Variants in CTNNA2 observed in about 807,000 individuals in gnomAD.
The protein encoded by CTNNA2 is catenin alpha-2.
In CTNNA2, 42 loss-of-function variants were observed where a neutral mutation model predicts 101.0. The observed-to-expected ratio is 0.42, with a 90% CI of 0.32 to 0.54. The LOEUF (loss-of-function observed/expected upper bound fraction) is 0.54, where lower values mean the gene tolerates loss of function less well. Ranked by LOEUF, CTNNA2 falls within the 20% of genes least tolerant of loss-of-function variation. The pLI is 0.14. For missense variants in CTNNA2, 871 were observed against 1,223.1 expected, an observed-to-expected ratio of 0.71 and a Z score of 4.29; for synonymous variants, 450 against 456.4, an observed-to-expected ratio of 0.99 and a Z score of 0.18.
intron 1 of CTNNA2, among the ~76,000 whole-genome samples, chr2:79,585,710 C>T (rs1401293353): frequency 2.6e-5 from 4 of 152,060 alleles, no homozygotes; most frequent in African/African-American, 9.7e-5. Context: ...ATGCTGGCTT[C>T]CTCTGCTCCA....
chr2:79,345,108 TAA>T (rs5832381), intron 3 of CTNNA2, among the ~76,000 whole-genome samples: 12,734 of 147,074 alleles, frequency 0.087, 808 homozygotes, highest in East Asian at 0.31. Context: ...TGTTTTTTTT[TAA>T]AAAAAAAAGC....
Position 80,026,431 on chromosome 2 carries a change from A to C in CTNNA2, c.1056+116634A>C, listed in dbSNP as rs570387576. On this transcript the variant is annotated intron_variant, in intron 7 of 18. Coordinates refer to ENST00000402739, the MANE Select transcript of CTNNA2 (RefSeq NM_001282597.3). ...CCTCTATTCTGTAGAGCTGTGACTT[A>C]ACCTTTCAGTCTTGTGAAAATATGT... is the stretch of plus-strand genomic sequence containing the variant. 8.5e-5 allele frequency among the ~76,000 whole-genome samples: 13 copies of C among 152,314 alleles called. 1 individual carries two copies. The East Asian group carries it at 1.4e-3, about 16-fold the overall frequency.
chr2:80,487,828 T>G (rs916533348), intron 9 of CTNNA2, among the ~76,000 whole-genome samples: 3 of 152,224 alleles, frequency 2.0e-5, no homozygotes, highest in Non-Finnish European at 4.4e-5. Context: ...GACGCCAAAC[T>G]AAGGCTCTTT....
chr2:79,490,401 C>T (rs907982644), intron 4 of CTNNA2, among the ~76,000 whole-genome samples: 7 of 152,066 alleles, frequency 4.6e-5, no homozygotes, highest in East Asian at 1.9e-4. Context: ...ACATCCAATC[C>T]TGTGTTTTTT....
At chr2:80,469,254 A>T (rs1028337522) in intron 9 of CTNNA2, among the ~76,000 whole-genome samples, 8 of 152,176 alleles carry the variant, frequency 5.3e-5, no homozygotes, top group African/African-American at 1.9e-4. Flanking sequence ...TATCATAGAA[A>T]CAAATACCCA....
chr2:79,891,819 A>C (rs956849306), intron 6 of CTNNA2, among the ~76,000 whole-genome samples: 1 of 152,068 alleles, frequency 6.6e-6, no homozygotes, highest in Non-Finnish European at 1.5e-5. Flanking sequence ...AACAACCTGA[A>C]AATATATATA....
chr2:79,732,676 T>C (rs771549762), intron 2 of CTNNA2, among the ~76,000 whole-genome samples: 6 of 152,076 alleles, frequency 3.9e-5, no homozygotes, highest in Non-Finnish European at 7.4e-5. Flanking sequence ...GTTAACTGTA[T>C]ACGATGATAC....
At chr2:79,319,661 A>G (rs1323868027) in intron 3 of CTNNA2, 2 of 152,122 alleles carry the variant, frequency 1.3e-5, no homozygotes, top group African/African-American at 4.8e-5. Context: ...CAAATTGATG[A>G]TTGTCTTATG....
intron 3 of CTNNA2, among the ~76,000 whole-genome samples, chr2:79,349,520 AAGG>A (rs1342078519): frequency 6.6e-6 from 1 of 152,192 alleles, no homozygotes; most frequent in African/African-American, 2.4e-5. Context: ...TCTGATTGTG[AAGG>A]AGAATATAAG....
intron 2 of CTNNA2, among the ~76,000 whole-genome samples, chr2:79,731,595 A>G (rs1687199034): frequency 6.6e-6 from 1 of 152,058 alleles, no homozygotes; most frequent in South Asian, 2.1e-4. Flanking sequence ...CATCCAAAAG[A>G]AAAGGATACA....
At chr2:79,886,327 T>G (rs976739632) in intron 6 of CTNNA2, among the ~76,000 whole-genome samples, 2 of 152,118 alleles carry the variant, frequency 1.3e-5, no homozygotes, top group Non-Finnish European at 2.9e-5. Flanking sequence ...AAGTGATTAT[T>G]TCTGGGGTAC....
chr2:79,351,430 G>A lies in CTNNA2; in HGVS notation c.-317-22401G>A, dbSNP rs534477753. Among the ~76,000 whole-genome samples the A allele has an allele frequency of 5.3e-5, 8 of 152,166 alleles. No homozygotes were observed. In the East Asian group the frequency reaches 1.5e-3, roughly 29 times the overall value. ...TCATTCCCATTGTTTATTTATGTAT[G>A]TATTTATTTAACTTTTATTTTACAA... On this transcript the variant is annotated intron_variant, in intron 3 of 21. Transcript: ENST00000466387.
At chr2:79,831,686 G>A (rs937804897) in intron 3 of CTNNA2, among the ~76,000 whole-genome samples, 12 of 149,840 alleles carry the variant, frequency 8.0e-5, no homozygotes, top group African/African-American at 2.2e-4. Context: ...TCCAATTCCC[G>A]CTGTCATTTT....
chr2:79,871,753 A>T (rs962889271), intron 5 of CTNNA2, among the ~76,000 whole-genome samples: 1 of 152,154 alleles, frequency 6.6e-6, no homozygotes, highest in Non-Finnish European at 1.5e-5. Context: ...TGACACCTAA[A>T]ATAACCAACA....
In CTNNA2 at chr2:79,720,148, G is replaced by T. The variant is rs994317501; in HGVS notation, c.103-24239G>T. 3.3e-5 allele frequency among the ~76,000 whole-genome samples: 5 copies of T among 152,140 alleles called. No individual in the cohort carries two copies. In the South Asian group the frequency reaches 1.0e-3, roughly 32 times the overall value. ...ATCCCAGCACCATTTATTGAATAAG[G>T]GGTCCTTTCCCCATTGCTTGCTTTT... is the stretch of plus-strand genomic sequence containing the variant. On this transcript the variant is annotated intron_variant, in intron 2 of 18. Coordinates refer to ENST00000402739, the MANE Select transcript of CTNNA2 (RefSeq NM_001282597.3).
At chr2:79,955,201 C>A (rs1270958188) in intron 7 of CTNNA2, among the ~76,000 whole-genome samples, 1 of 152,110 alleles carries the variant, frequency 6.6e-6, no homozygotes, top group Non-Finnish European at 1.5e-5. Flanking sequence ...ATCTCTTCAT[C>A]TTGATAAATG....
At chr2:79,484,442 T>C (rs1392713760) in intron 4 of CTNNA2, among the ~76,000 whole-genome samples, 1 of 152,082 alleles carries the variant, frequency 6.6e-6, no homozygotes, top group Admixed American at 6.6e-5. Context: ...CACATATAGG[T>C]GGAAACAAAA....
At chr2:80,170,304 A>G (rs7589116) in intron 7 of CTNNA2, among the ~76,000 whole-genome samples, 2 of 151,612 alleles carry the variant, frequency 1.3e-5, no homozygotes, top group South Asian at 4.2e-4. Context: ...CTAGCCTACT[A>G]TCAGGAGGCC....
At chr2:79,948,795 C>T (rs1178012955) in intron 7 of CTNNA2, among the ~76,000 whole-genome samples, 2 of 151,984 alleles carry the variant, frequency 1.3e-5, no homozygotes, top group South Asian at 2.1e-4. Context: ...GGGGAAACCC[C>T]GTCTCTATTA....
Sources: gnomAD v4.1 joint callset for allele counts (sites outside exome capture counted in the v4.1 genomes callset) on GRCh38, gnomAD v4.1.1 for gene constraint, MANE v1.5 for transcripts, NCBI Gene and HGNC (gene_info 2026-07-23, HGNC 2026-07-21) for gene names.